The following MIR2052HG variants were observed in gnomAD, a reference collection of about 807,000 sequenced individuals.
MIR2052HG encodes MIR2052 host gene.
At chr8:74,734,848 A>G (rs1809730368) in intron 4 of MIR2052HG, among the ~76,000 whole-genome samples, 1 of 152,244 alleles carries the variant, frequency 6.6e-6, no homozygotes, top group South Asian at 2.1e-4. Flanking sequence ...AAAGTTTAGC[A>G]TACAGCTGAA....
chr8:74,617,656 C>T (rs7003280), intron 2 of MIR2052HG, among the ~76,000 whole-genome samples: 5,597 of 152,094 alleles, frequency 0.037, 340 homozygotes, highest in African/African-American at 0.13. Flanking sequence ...GTGAATAGTG[C>T]TGTGATAAGC....
intron 4 of MIR2052HG, among the ~76,000 whole-genome samples, chr8:74,740,318 G>T (rs1052974014): frequency 2.0e-5 from 3 of 152,084 alleles, no homozygotes; most frequent in African/African-American, 7.2e-5. Context: ...ACAAAAATTA[G>T]CCAGGTGTGG....
At chr8:74,602,171 A>C (rs1808009678) in intron 1 of MIR2052HG, among the ~76,000 whole-genome samples, 2 of 152,234 alleles carry the variant, frequency 1.3e-5, no homozygotes, top group South Asian at 4.1e-4. Flanking sequence ...GTGGTAAAGA[A>C]GCTGGCCAAA....
At chr8:74,681,153 T>G (rs1158334951) in intron 2 of MIR2052HG, among the ~76,000 whole-genome samples, 1 of 151,210 alleles carries the variant, frequency 6.6e-6, no homozygotes, top group African/African-American at 2.4e-5. Flanking sequence ...GCATGGCACA[T>G]GTATACATAT....
intron 2 of MIR2052HG, among the ~76,000 whole-genome samples, chr8:74,696,067 A>C (rs1809292877): frequency 6.6e-6 from 1 of 152,170 alleles, no homozygotes; most frequent in Non-Finnish European, 1.5e-5. Context: ...AAACCATATA[A>C]TAGGCCACAA....
At chr8:74,687,227 C>T (rs867194715) in intron 2 of MIR2052HG, among the ~76,000 whole-genome samples, 4 of 152,100 alleles carry the variant, frequency 2.6e-5, no homozygotes, top group Admixed American at 6.5e-5. Flanking sequence ...AGAATTAGAA[C>T]ACTTGTACAC....
chr8:74,645,826 G>T (rs924539888), intron 2 of MIR2052HG, among the ~76,000 whole-genome samples: 4 of 152,132 alleles, frequency 2.6e-5, no homozygotes, highest in Non-Finnish European at 4.4e-5. Context: ...CCATCTAATG[G>T]TCAGCTTCCT....
At chr8:74,674,139 TG>T (rs1809025599) in intron 2 of MIR2052HG, among the ~76,000 whole-genome samples, 2 of 52,514 alleles carry the variant, frequency 3.8e-5, no homozygotes, top group African/African-American at 6.9e-4. Flanking sequence ...GAGGTTTTTG[TG>T]TGTGTGTGTG....
At chr8:74,629,818 TC>T (rs1808484022) in intron 2 of MIR2052HG, among the ~76,000 whole-genome samples, 1 of 152,108 alleles carries the variant, frequency 6.6e-6, no homozygotes, top group African/African-American at 2.4e-5. Flanking sequence ...TAGGGATGTT[TC>T]CCCAGCAACA....
chr8:74,673,952 C>T (rs1440208901), intron 2 of MIR2052HG, among the ~76,000 whole-genome samples: 1 of 144,150 alleles, frequency 6.9e-6, no homozygotes, highest in South Asian at 2.1e-4. Flanking sequence ...CTGCTCCTTG[C>T]AGAGCAGGGC....
chr8:74,613,418 T>A (rs957869600), intron 2 of MIR2052HG, among the ~76,000 whole-genome samples: 82 of 152,208 alleles, frequency 5.4e-4, no homozygotes, highest in Non-Finnish European at 9.4e-4. Context: ...TGTGTTTCTT[T>A]CATCTGCATG....
At chr8:74,628,819 T>C (rs1808470930) in intron 2 of MIR2052HG, 1 of 152,144 alleles carries the variant, frequency 6.6e-6, no homozygotes. Flanking sequence ...TTGATTCTTC[T>C]CTGAAAATGG....
At chr8:74,735,770 G>C (rs1221215603) in intron 4 of MIR2052HG, among the ~76,000 whole-genome samples, 1 of 152,112 alleles carries the variant, frequency 6.6e-6, no homozygotes, top group East Asian at 1.9e-4. Flanking sequence ...ATTTGGCCAG[G>C]ACTCAAATGA....
chr8:74,739,061 A>G (rs1189698897), intron 4 of MIR2052HG, among the ~76,000 whole-genome samples: 1 of 152,240 alleles, frequency 6.6e-6, no homozygotes, highest in Non-Finnish European at 1.5e-5. Flanking sequence ...TCAATAAATT[A>G]AAATGGCAAA....
intron 5 of MIR2052HG, among the ~76,000 whole-genome samples, chr8:74,755,888 C>A (rs1386853477): frequency 1.3e-5 from 2 of 152,122 alleles, no homozygotes; most frequent in Non-Finnish European, 2.9e-5. Context: ...AGCCCCTAGT[C>A]CATTTCAAGC....
intron 4 of MIR2052HG, among the ~76,000 whole-genome samples, chr8:74,711,713 A>G (rs530630801): frequency 9.8e-5 from 15 of 152,312 alleles, no homozygotes; most frequent in African/African-American, 3.6e-4. Flanking sequence ...ACATTTGTAC[A>G]TTTGCTAACC....
At chr8:74,719,214 C>T (rs1304833037) in intron 4 of MIR2052HG, among the ~76,000 whole-genome samples, 1 of 152,014 alleles carries the variant, frequency 6.6e-6, no homozygotes, top group Non-Finnish European at 1.5e-5. Flanking sequence ...CAGGGTGACT[C>T]TAGCAATTTA....
intron 2 of MIR2052HG, among the ~76,000 whole-genome samples, chr8:74,639,011 T>C (rs899519530): frequency 6.6e-6 from 1 of 152,050 alleles, no homozygotes; most frequent in African/African-American, 2.4e-5. Flanking sequence ...GAGCTACCAA[T>C]AGCAAGAGGA....
At chr8:74,697,924 A>G (rs1809315361) in intron 2 of MIR2052HG, among the ~76,000 whole-genome samples, 1 of 152,226 alleles carries the variant, frequency 6.6e-6, no homozygotes, top group Non-Finnish European at 1.5e-5. Context: ...GAAAATGATC[A>G]TGCTGCCAAA....
Sources: gnomAD v4.1 joint callset for allele counts (sites outside exome capture counted in the v4.1 genomes callset) on GRCh38, gnomAD v4.1.1 for gene constraint, MANE v1.5 for transcripts, NCBI Gene and HGNC (gene_info 2026-07-23, HGNC 2026-07-21) for gene names.